The following SPAG16 variants were observed in gnomAD, a reference collection of about 807,000 sequenced individuals.
SPAG16 encodes sperm associated antigen 16, also known as sperm-associated antigen 16 protein.
Under a neutral mutation model 80.4 loss-of-function variants are expected in SPAG16, and 86 were observed. The observed-to-expected ratio is 1.07, with a 90% CI of 0.90 to 1.28. The LOEUF (loss-of-function observed/expected upper bound fraction) is 1.28. Among genes scored for constraint, SPAG16 ranks in the 50% most tolerant of loss-of-function variants. The pLI, the probability that SPAG16 is intolerant of heterozygous loss-of-function variation, is 0.00. For missense variants in SPAG16, 870 were observed against 765.3 expected (o/e 1.14, Z -1.61); for synonymous variants, 294 against 265.9 (o/e 1.11, Z -1.03).
intron 10 of SPAG16, among the ~76,000 whole-genome samples, chr2:213,490,998 A>G (rs1431401570): frequency 6.6e-6 from 1 of 152,066 alleles, no homozygotes; most frequent in African/African-American, 2.4e-5. Context: ...TGATGACCAT[A>G]TGGCATGTGC....
chr2:214,274,597 G>A (rs1217960334), intron 15 of SPAG16, among the ~76,000 whole-genome samples: 9 of 152,124 alleles, frequency 5.9e-5, no homozygotes, highest in African/African-American at 2.4e-5. Flanking sequence ...GATGGAGTAT[G>A]TTCAATGATT....
intron 10 of SPAG16, among the ~76,000 whole-genome samples, chr2:213,843,215 A>G (rs2074450540): frequency 6.6e-6 from 1 of 151,852 alleles, no homozygotes; most frequent in East Asian, 1.9e-4. Context: ...TTAACTTCTT[A>G]TATATTTTAA....
At chr2:213,882,242 T>C (rs1026236930) in intron 11 of SPAG16, among the ~76,000 whole-genome samples, 2 of 152,200 alleles carry the variant, frequency 1.3e-5, no homozygotes, top group African/African-American at 4.8e-5. Flanking sequence ...TAGTATTTTG[T>C]TGGGAATTTT....
chr2:213,343,092 C>T (rs1252852691), intron 6 of SPAG16, among the ~76,000 whole-genome samples: 1 of 152,008 alleles, frequency 6.6e-6, no homozygotes, highest in Non-Finnish European at 1.5e-5. Context: ...ACGTAACTAA[C>T]TTGTGGAAGT....
chr2:213,589,044 ATTAT>A (rs2060586163), intron 10 of SPAG16, among the ~76,000 whole-genome samples: 1 of 152,038 alleles, frequency 6.6e-6, no homozygotes, highest in African/African-American at 2.4e-5. Flanking sequence ...TTAGTCAATC[ATTAT>A]TTATTAGGTT....
intron 14 of SPAG16, among the ~76,000 whole-genome samples, chr2:214,123,108 T>G (rs998227813): frequency 6.6e-6 from 1 of 151,894 alleles, no homozygotes; most frequent in African/African-American, 2.4e-5. Flanking sequence ...AGCATTTGTA[T>G]AAGCAGCCAT....
chr2:213,700,503 C>T (rs1437066033), intron 10 of SPAG16, among the ~76,000 whole-genome samples: 1 of 151,962 alleles, frequency 6.6e-6, no homozygotes, highest in Admixed American at 6.6e-5. Flanking sequence ...ATGTGTATTC[C>T]ATTGTATTGT....
At chr2:213,571,848 C>T in intron 10 of SPAG16, among the ~76,000 whole-genome samples, 1 of 129,448 alleles carries the variant, frequency 7.7e-6, no homozygotes, top group Non-Finnish European at 1.6e-5. Context: ...AACTTGGTTC[C>T]ATTCTCCACA....
At chr2:214,014,443 C>T (rs1009429508) in intron 13 of SPAG16, among the ~76,000 whole-genome samples, 1 of 151,996 alleles carries the variant, frequency 6.6e-6, no homozygotes, top group Non-Finnish European at 1.5e-5. Context: ...ATGAGACATG[C>T]GTTAATAAAA....
At chr2:213,894,698 A>T (rs2076920200) in intron 11 of SPAG16, among the ~76,000 whole-genome samples, 1 of 152,166 alleles carries the variant, frequency 6.6e-6, no homozygotes, top group African/African-American at 2.4e-5. Context: ...TACTTAGAAA[A>T]ACCTAAAGAC....
At chr2:214,376,957 C>CACTT (rs1386222072) in intron 15 of SPAG16, among the ~76,000 whole-genome samples, 8 of 152,250 alleles carry the variant, frequency 5.3e-5, no homozygotes, top group African/African-American at 1.9e-4. Flanking sequence ...CACATGCAGG[C>CACTT]ACTTACAGAC....
intron 10 of SPAG16, among the ~76,000 whole-genome samples, chr2:213,763,009 A>G (rs1266465312): frequency 2.6e-5 from 4 of 152,206 alleles, no homozygotes; most frequent in East Asian, 1.9e-4. Flanking sequence ...AGACATAAAA[A>G]TGTTCAACAG....
chr2:213,972,245 A>G (rs1006153043), intron 12 of SPAG16, among the ~76,000 whole-genome samples: 6 of 150,868 alleles, frequency 4.0e-5, no homozygotes, highest in African/African-American at 1.2e-4. Context: ...AGAGAAAAAG[A>G]ACCCATAGGA....
At chr2:214,159,274 C>T (rs1371781269) in intron 15 of SPAG16, among the ~76,000 whole-genome samples, 1 of 151,878 alleles carries the variant, frequency 6.6e-6, no homozygotes, top group African/African-American at 2.4e-5. Context: ...GCAGTTATTA[C>T]ATTTAAGAGG....
At chr2:214,181,180 G>A (rs2057296812) in intron 15 of SPAG16, among the ~76,000 whole-genome samples, 1 of 151,862 alleles carries the variant, frequency 6.6e-6, no homozygotes, top group Non-Finnish European at 1.5e-5. Context: ...TGAGAAGAAA[G>A]AGAAGCAATA....
At chr2:214,005,084 G>C (rs538733884) in intron 12 of SPAG16, among the ~76,000 whole-genome samples, 2 of 152,190 alleles carry the variant, frequency 1.3e-5, no homozygotes, top group East Asian at 3.9e-4. Flanking sequence ...ATCTTTATCA[G>C]CCTGCCTCAG....
chr2:214,079,914 C>G (rs952870701), intron 13 of SPAG16, among the ~76,000 whole-genome samples: 1 of 152,070 alleles, frequency 6.6e-6, no homozygotes, highest in Non-Finnish European at 1.5e-5. Flanking sequence ...TAAATAGAAG[C>G]CAAATAGGGT....
intron 10 of SPAG16, among the ~76,000 whole-genome samples, chr2:213,758,373 T>C (rs1276417168): frequency 6.6e-6 from 1 of 151,986 alleles, no homozygotes; most frequent in Non-Finnish European, 1.5e-5. Context: ...CTAAAATGAC[T>C]TGATGGTGGA....
intron 15 of SPAG16, among the ~76,000 whole-genome samples, chr2:214,214,255 C>T (rs577342536): frequency 9.9e-5 from 15 of 150,872 alleles, no homozygotes; most frequent in Admixed American, 5.3e-4. Flanking sequence ...CTGCAACCTC[C>T]ACCTCCCAGG....
Sources: gnomAD v4.1 joint callset for allele counts (sites outside exome capture counted in the v4.1 genomes callset) on GRCh38, gnomAD v4.1.1 for gene constraint, MANE v1.5 for transcripts, NCBI Gene and HGNC (gene_info 2026-07-23, HGNC 2026-07-21) for gene names.